PASD1: variants seen among roughly 807,000 people sequenced by gnomAD.
PASD1 encodes the protein circadian clock protein PASD1.
In PASD1, 13 loss-of-function variants were observed where a neutral mutation model predicts 58.8. That is an observed-to-expected ratio of 0.22 (90% CI 0.14 to 0.35). The LOEUF (loss-of-function observed/expected upper bound fraction) is 0.35. Among genes scored for constraint, PASD1 ranks in the 10% least tolerant of loss-of-function variants. The pLI is 1.00. For synonymous variants in PASD1, 236 were observed against 216.7 expected (o/e 1.09, Z -0.78); for missense variants, 734 against 568.3 (o/e 1.29, Z -2.96).
At chrX:151,570,046 A>G (rs973235493) in intron 1 of PASD1, among the ~76,000 whole-genome samples, 1 of 111,453 alleles carries the variant, frequency 9.0e-6, no homozygotes, top group Non-Finnish European at 1.9e-5. Context: ...AAATTATTCA[A>G]CAGCTTCTAG....
intron 8 of PASD1, among the ~76,000 whole-genome samples, chrX:151,641,572 C>A (rs1378501941): frequency 1.8e-5 from 2 of 111,119 alleles, no homozygotes; most frequent in African/African-American, 6.6e-5. Context: ...CCATAAGAAT[C>A]CATATCTGTG....
Position 151,673,207 on chromosome X carries a change from T to C in PASD1, c.1916+546T>C, listed in dbSNP as rs190789362. On this transcript the variant is annotated intron_variant, in intron 14 of 15. Coordinates refer to ENST00000370357, the MANE Select transcript of PASD1 (RefSeq NM_173493.3). ...AGTCCTGAGTGGCAATATAGGGACATGAACACATTTCTGCTCAATAATAAG... is the reference window on the plus strand; with the variant it reads ...AGTCCTGAGTGGCAATATAGGGACACGAACACATTTCTGCTCAATAATAAG... 2.9e-3 allele frequency: 340 copies of C among 119,082 alleles called. 3 individuals carry two copies. Among genetic ancestry groups the C allele is most frequent in the Non-Finnish European group, 4.6e-3 (261 of 57,046 alleles). 9.8% of individuals were successfully genotyped at this position (119,082 alleles called of 1,213,427 possible).
intron 8 of PASD1, among the ~76,000 whole-genome samples, chrX:151,633,424 C>T (rs777644372): frequency 4.5e-5 from 5 of 111,504 alleles, no homozygotes; most frequent in African/African-American, 1.3e-4. Context: ...CCCATTTCCA[C>T]GCAGCTGTAT....
At chrX:151,663,787 A>T (rs2124310819) in intron 10 of PASD1, among the ~76,000 whole-genome samples, 1 of 111,790 alleles carries the variant, frequency 8.9e-6, no homozygotes, top group South Asian at 3.8e-4. Flanking sequence ...GTGATTTATG[A>T]CTAGATTTTA....
intron 1 of PASD1, among the ~76,000 whole-genome samples, chrX:151,583,675 A>G (rs1279775481): frequency 8.9e-6 from 1 of 112,431 alleles, no homozygotes; most frequent in Non-Finnish European, 1.9e-5. Flanking sequence ...ATAATGATTG[A>G]CTTCAATGCC....
chrX:151,662,448 A>AT (rs2014323721), intron 10 of PASD1, among the ~76,000 whole-genome samples: 1 of 109,836 alleles, frequency 9.1e-6, no homozygotes, highest in African/African-American at 3.3e-5. Flanking sequence ...AAGGAACCTT[A>AT]TTTAGGTCCT....
intron 1 of PASD1, among the ~76,000 whole-genome samples, chrX:151,566,010 G>C (rs2012836244): frequency 8.9e-6 from 1 of 112,180 alleles, no homozygotes; most frequent in Non-Finnish European, 1.9e-5. Context: ...TAGGATTATG[G>C]GGAGAGCATT....
At chrX:151,643,411 G>C (rs1347615536) in intron 8 of PASD1, among the ~76,000 whole-genome samples, 2 of 111,080 alleles carry the variant, frequency 1.8e-5, no homozygotes, top group African/African-American at 6.6e-5. Context: ...ATGTTAGTGG[G>C]TTAAGCTGCG....
intron 1 of PASD1, among the ~76,000 whole-genome samples, chrX:151,579,653 C>T (rs979313671): frequency 9.0e-6 from 1 of 111,699 alleles, no homozygotes; most frequent in Non-Finnish European, 1.9e-5. Flanking sequence ...TTATTTCATT[C>T]ATTTATTTAT....
chrX:151,608,268 T>C (rs1274637766), intron 3 of PASD1, among the ~76,000 whole-genome samples: 1 of 112,063 alleles, frequency 8.9e-6, no homozygotes, highest in South Asian at 3.7e-4. Flanking sequence ...TGGAATGGCG[T>C]CTTGTTTCAT....
chrX:151,570,478 A>G (rs2012912242), intron 1 of PASD1, among the ~76,000 whole-genome samples: 1 of 112,676 alleles, frequency 8.9e-6, no homozygotes, highest in South Asian at 3.7e-4. Context: ...ATGAAATTCT[A>G]AAAAGAAACA....
chrX:151,622,917 T>A lies in PASD1; in HGVS notation c.419-20T>A. The A allele has an allele frequency of 2.5e-6, 3 of 1,196,341 alleles. No homozygotes were observed. In the South Asian group the frequency reaches 5.6e-5, roughly 22 times the overall value. On this transcript the variant is annotated intron_variant, in intron 6 of 15. Transcript: ENST00000370357. ...ACTGGTCCACCTTTCTGTTTTCACA[T>A]GTGTGTCTATCTTCCTTAGAGTTTC...
In PASD1 at chrX:151,604,707, T is replaced by C. The variant is rs766819809; in HGVS notation, c.90T>C (p.Tyr30=). ...ACTGGATTCCATCATTTCCTACCTA[T>C]GATTACTTCAACCAAGTGACGCTAC... ...KLNWIPSFPT[Y]DYFNQVTLQL... The change falls in exon 3 of 16, where the codon TAT becomes TAC. Residue 30 remains tyrosine, a synonymous_variant. Coordinates refer to ENST00000370357, the MANE Select transcript of PASD1 (RefSeq NM_173493.3). The C allele has an allele frequency of 8.3e-7, 1 of 1,208,336 alleles. No individual in the cohort carries two copies. Among genetic ancestry groups the C allele is most frequent in the Non-Finnish European group, 1.1e-6 (1 of 892,720 alleles).
chrX:151,620,973 A>C lies in PASD1; in HGVS notation c.251A>C (p.Glu84Ala). 8.3e-7 allele frequency: 1 copy of C among 1,208,899 alleles called. No individual in the cohort carries two copies. Among genetic ancestry groups the C allele is most frequent in the Middle Eastern group, 2.3e-4 (1 of 4,339 alleles). The change falls in exon 5 of 16, where the codon GAA becomes GCA. Residue 84 changes from glutamate to alanine, a missense_variant. Glu to Ala is a moderately radical substitution (Grantham distance 107). Transcript: ENST00000370357. Reference sequence around the variant, plus strand: ...AAATTATTAAGCCTTCTGCCTGATGAAGAGAAAGATGAAGTCTACCAAAAG... The same window carrying C: ...AAATTATTAAGCCTTCTGCCTGATGCAGAGAAAGATGAAGTCTACCAAAAG... ...GKKLLSLLPDEEKDEVYQKII... is the reference protein window; with the variant it reads ...GKKLLSLLPDAEKDEVYQKII...
intron 11 of PASD1, among the ~76,000 whole-genome samples, chrX:151,670,469 C>T (rs1357155373): frequency 1.8e-5 from 2 of 112,124 alleles, no homozygotes; most frequent in Non-Finnish European, 3.8e-5. Flanking sequence ...TGTACATTTG[C>T]TTCTTTCCAG....
intron 8 of PASD1, among the ~76,000 whole-genome samples, chrX:151,647,993 C>T (rs2014081941): frequency 9.0e-6 from 1 of 111,223 alleles, no homozygotes; most frequent in Admixed American, 9.6e-5. Flanking sequence ...TAAAGAAAAA[C>T]TCGTGAAAAC....
At chrX:151,632,300 G>A (rs980265138) in intron 8 of PASD1, among the ~76,000 whole-genome samples, 11 of 111,632 alleles carry the variant, frequency 9.9e-5, no homozygotes, top group African/African-American at 3.3e-4. Flanking sequence ...CATCTGAAAG[G>A]AGTGGAGGAG....
chrX:151,661,692 T>C (rs1221050812), intron 10 of PASD1, among the ~76,000 whole-genome samples: 1 of 111,661 alleles, frequency 9.0e-6, no homozygotes, highest in Non-Finnish European at 1.9e-5. Flanking sequence ...CCAGGATCCC[T>C]CATTGAATTT....
chrX:151,598,267 TA>T (rs1286854672), intron 1 of PASD1, among the ~76,000 whole-genome samples: 3 of 111,982 alleles, frequency 2.7e-5, no homozygotes, highest in Middle Eastern at 4.6e-3. Flanking sequence ...GTCTTTTTAT[TA>T]TTGATTTCTA....
Sources: gnomAD v4.1 joint callset for allele counts (sites outside exome capture counted in the v4.1 genomes callset) on GRCh38, gnomAD v4.1.1 for gene constraint, MANE v1.5 for transcripts, NCBI Gene and HGNC (gene_info 2026-07-23, HGNC 2026-07-21) for gene names.